Variants in GALNT14 observed in about 807,000 individuals in gnomAD.
GALNT14 encodes the protein UDP-GalNAc:polypeptide N-acetylgalactosaminyltransferase 14.
Under a neutral mutation model 77.5 loss-of-function variants are expected in GALNT14, and 60 were observed. The ratio of observed to expected loss-of-function variants is 0.77; its 90% CI spans 0.63 to 0.96. The LOEUF is 0.96. GALNT14 is among the 40% of genes least tolerant of loss of function. The pLI is 0.00. For synonymous variants in GALNT14, 280 were observed against 281.7 expected, an observed-to-expected ratio of 0.99 and a Z score of 0.06; for missense variants, 710 against 731.0, an observed-to-expected ratio of 0.97 and a Z score of 0.33.
At chr2:30,945,945 G>T in intron 6 of GALNT14, 75 bp from the exon 7 acceptor site, 1 of 1,201,294 alleles carries the variant, frequency 8.3e-7, no homozygotes, top group Non-Finnish European at 1.2e-6. Flanking sequence ...GGATGGCCTC[G>T]TGAGGGTAGG....
At chr2:31,059,744 G>T (rs747984420) in intron 1 of GALNT14, among the ~76,000 whole-genome samples, 1 of 152,158 alleles carries the variant, frequency 6.6e-6, no homozygotes, top group African/African-American at 2.4e-5. Context: ...AGGCCCAAGA[G>T]AGGCCCCTCA....
intron 1 of GALNT14, among the ~76,000 whole-genome samples, chr2:31,050,183 A>G (rs1673749820): frequency 6.6e-6 from 1 of 152,234 alleles, no homozygotes; most frequent in Non-Finnish European, 1.5e-5. Context: ...AAATCATTCA[A>G]GCTCCCAGGC....
intron 1 of GALNT14, among the ~76,000 whole-genome samples, chr2:31,134,800 G>A (rs554562841): frequency 5.3e-5 from 8 of 152,184 alleles, no homozygotes; most frequent in Non-Finnish European, 7.3e-5. Flanking sequence ...TGGGTTTAAC[G>A]GCATGGAAAA....
chr2:31,076,773 T>C (rs1446655413), intron 1 of GALNT14, among the ~76,000 whole-genome samples: 1 of 152,170 alleles, frequency 6.6e-6, no homozygotes, highest in Admixed American at 6.5e-5. Flanking sequence ...ATGATATGAT[T>C]TGTCACCCAA....
At position 30,989,398 on chromosome 2, in the gene GALNT14, C is replaced by T. The variant is rs138426821; in HGVS notation, c.299+3440G>A. ...GTACTTGGGGTATAGATGTGTGCTC[C>T]GTTTGGGGGTTTAGTTGCATCTCTT... On this transcript the variant is annotated intron_variant, in intron 2 of 14. Coordinates refer to ENST00000349752, the MANE Select transcript of GALNT14 (RefSeq NM_024572.4). Among the ~76,000 whole-genome samples, 983 of 151,458 alleles carry T rather than the reference C, an allele frequency of 6.5e-3. 5 individuals carry two copies. Among genetic ancestry groups the T allele is most frequent in the South Asian group, 0.021 (102 of 4,782 alleles).
At chr2:31,042,453 G>A (rs1673159600) in intron 1 of GALNT14, among the ~76,000 whole-genome samples, 1 of 152,092 alleles carries the variant, frequency 6.6e-6, no homozygotes, top group South Asian at 2.1e-4. Flanking sequence ...AAGAAGGAGG[G>A]CTCAGACATA....
At chr2:30,923,083 A>T (rs1453750295) in intron 13 of GALNT14, among the ~76,000 whole-genome samples, 1 of 133,548 alleles carries the variant, frequency 7.5e-6, no homozygotes, top group Admixed American at 7.5e-5. Flanking sequence ...TTTTTTTGAA[A>T]TGGAGTTTCA....
At chr2:31,127,348 A>C (rs1279098250) in intron 1 of GALNT14, among the ~76,000 whole-genome samples, 1 of 152,264 alleles carries the variant, frequency 6.6e-6, no homozygotes, top group Non-Finnish European at 1.5e-5. Context: ...AAAGGATTTT[A>C]TATTTATAAA....
intron 1 of GALNT14, chr2:31,114,695 C>A (rs1184175713): frequency 4.3e-6 from 3 of 705,398 alleles, no homozygotes; most frequent in African/African-American, 1.8e-5. Flanking sequence ...GAAAAAGGAA[C>A]AAATACAAAA....
At chr2:31,088,893 T>A (rs150131962) in intron 1 of GALNT14, among the ~76,000 whole-genome samples, 1 of 152,048 alleles carries the variant, frequency 6.6e-6, no homozygotes, top group African/African-American at 2.4e-5. Flanking sequence ...TGGCTTTAGA[T>A]AAGAGGAGGG....
chr2:31,038,582 T>G (rs1346437875), intron 1 of GALNT14, among the ~76,000 whole-genome samples: 1 of 151,964 alleles, frequency 6.6e-6, no homozygotes, highest in Non-Finnish European at 1.5e-5. Flanking sequence ...GGGTAGGTGT[T>G]CCAACTCCAT....
chr2:31,056,105 T>G (rs984985416), intron 1 of GALNT14, among the ~76,000 whole-genome samples: 2 of 152,200 alleles, frequency 1.3e-5, no homozygotes. Flanking sequence ...AAGAGGCTCA[T>G]GAAATGCAGA....
intron 3 of GALNT14, among the ~76,000 whole-genome samples, chr2:30,964,394 T>A (rs1667874111): frequency 6.6e-6 from 1 of 152,056 alleles, no homozygotes; most frequent in Non-Finnish European, 1.5e-5. Flanking sequence ...CCCCAGACGC[T>A]CCTCCCCTCA....
intron 9 of GALNT14, among the ~76,000 whole-genome samples, chr2:30,933,824 A>T (rs1045275700): frequency 1.3e-5 from 2 of 152,244 alleles, no homozygotes; most frequent in Non-Finnish European, 2.9e-5. Context: ...ATTTGCTCTT[A>T]TGTCAAACAA....
At chr2:31,126,895 G>A (rs1256118221) in intron 1 of GALNT14, 2 of 152,114 alleles carry the variant, frequency 1.3e-5, no homozygotes, top group African/African-American at 4.8e-5. Flanking sequence ...GTAAGACGTG[G>A]GTAACTTTCA....
chr2:31,104,543 T>C (rs1677455764), intron 1 of GALNT14, among the ~76,000 whole-genome samples: 1 of 152,172 alleles, frequency 6.6e-6, no homozygotes, highest in African/African-American at 2.4e-5. Context: ...CAACAATGTC[T>C]CTTTTTCACT....
At chr2:30,914,410 C>T (rs13388076) in intron 13 of GALNT14, among the ~76,000 whole-genome samples, 1 of 152,176 alleles carries the variant, frequency 6.6e-6, no homozygotes, top group East Asian at 1.9e-4. Flanking sequence ...CAAAGATCAG[C>T]TCCACCTTGA....
At chr2:31,023,837 C>T (rs949088305) in intron 1 of GALNT14, among the ~76,000 whole-genome samples, 1 of 152,138 alleles carries the variant, frequency 6.6e-6, no homozygotes, top group African/African-American at 2.4e-5. Context: ...AACACTGAAG[C>T]GTTCCAGTTG....
At chr2:30,992,617 T>C (rs913365031) in intron 2 of GALNT14, among the ~76,000 whole-genome samples, 1 of 152,176 alleles carries the variant, frequency 6.6e-6, no homozygotes, top group Non-Finnish European at 1.5e-5. Context: ...GCCCCCAGCC[T>C]CCTGGTGGGA....
Sources: allele counts gnomAD v4.1 joint callset (sites outside exome capture counted in the v4.1 genomes callset), GRCh38; gene constraint gnomAD v4.1.1; transcripts MANE v1.5; gene names NCBI Gene and HGNC (gene_info 2026-07-23, HGNC 2026-07-21).